The following RPTOR variants were observed in gnomAD, a reference collection of about 807,000 sequenced individuals.
The protein encoded by RPTOR is regulatory associated protein of MTOR complex 1, also known as regulatory-associated protein of mTOR.
Under a neutral mutation model 169.9 loss-of-function variants are expected in RPTOR, and 21 were observed. The observed-to-expected ratio is 0.12, with a 90% CI of 0.09 to 0.18. RPTOR has a LOEUF of 0.18. RPTOR is among the 10% of genes least tolerant of loss of function. The probability of loss-of-function intolerance (pLI) is 1.00; values close to 1 mark genes in which losing one functional copy is unlikely to be tolerated. For synonymous variants in RPTOR, 732 were observed against 753.2 expected, an observed-to-expected ratio of 0.97 and a Z score of 0.46; for missense variants, 1,133 against 1,855.9, an observed-to-expected ratio of 0.61 and a Z score of 7.16.
rs532330360 is a variant in RPTOR at position 80,964,403 on chromosome 17, G to T, written c.*73G>T. On this transcript the variant is annotated 3_prime_UTR_variant, in exon 34 of 34. Coordinates refer to ENST00000306801, the MANE Select transcript of RPTOR (RefSeq NM_020761.3). ...GAAGCTGTCACTCGCCGGGGCACGG[G>T]GCGTCGGCTGCTGCGGCCCCGCAGT... 5.4e-6 allele frequency: 8 copies of T among 1,487,880 alleles called. No individual in the cohort carries two copies. The African/African-American group carries it at 1.1e-4, about 20-fold the overall frequency. The allele number at this position is 1,487,880 out of a possible 1,614,324, so 92.2% of individuals were successfully genotyped here. A position where few individuals can be genotyped will look rare whatever the true frequency, so the allele number is the denominator to read the frequency against.
At chr17:80,756,402 A>T (rs2066681325) in intron 6 of RPTOR, among the ~76,000 whole-genome samples, 1 of 152,254 alleles carries the variant, frequency 6.6e-6, no homozygotes, top group Admixed American at 6.5e-5. Context: ...AAGTAGGAGG[A>T]ATAAGTTATA....
intron 13 of RPTOR, among the ~76,000 whole-genome samples, chr17:80,877,675 T>C (rs995275395): frequency 2.0e-5 from 3 of 152,244 alleles, no homozygotes; most frequent in Admixed American, 1.3e-4. Flanking sequence ...CTTTTTCTGT[T>C]GCCCTGGCCC....
rs78885207 is a variant in RPTOR at position 80,725,482 on chromosome 17, C to T, written c.508-5078C>T. On this transcript the variant is annotated intron_variant, in intron 4 of 33. Transcript: ENST00000306801. ...AGAAATGAAAACCATTGGCCACAAG[C>T]TCTTGAGTGTTCCAAGCAGCCTTCC... Among the ~76,000 whole-genome samples the T allele has an allele frequency of 3.9e-3, 589 of 152,300 alleles. 6 individuals carry two copies. The highest frequency in any genetic ancestry group is 0.014 in the African/African-American group (571 of 41,558).
chr17:80,713,784 C>T (rs113864419), intron 4 of RPTOR, among the ~76,000 whole-genome samples: 6 of 152,066 alleles, frequency 3.9e-5, no homozygotes, highest in East Asian at 1.9e-4. Flanking sequence ...AGTGTGCGTG[C>T]GCTTAATATC....
At position 80,959,594 on chromosome 17, in the gene RPTOR, C is replaced by T. The variant is rs1326313429; in HGVS notation, c.3478-484C>T. Among the ~76,000 whole-genome samples, 6 of 152,226 alleles carry T rather than the reference C, an allele frequency of 3.9e-5. No homozygotes were observed. Among genetic ancestry groups the T allele is most frequent in the South Asian group, 2.1e-4 (1 of 4,828 alleles). ...CCGCTTCTCCAGCACTTAGAGCCCC[C>T]GAGGGAGCCAGATGACCCCTCCTGG... On this transcript the variant is annotated intron_variant, in intron 29 of 33. Transcript: ENST00000306801. The surrounding 1 kb of genome is among the most constrained non-coding windows in gnomAD (Gnocchi z 6.7).
rs1320765410 is a variant in RPTOR at position 80,844,200 on chromosome 17, G to A, written c.1213-2273G>A. Reference sequence around the variant, plus strand: ...AAGTGTTGGCCACTCTTCCGCAGGCGCTTGCTCTAATTCGTCAGCCTCCCC... The same window carrying A: ...AAGTGTTGGCCACTCTTCCGCAGGCACTTGCTCTAATTCGTCAGCCTCCCC... On this transcript the variant is annotated intron_variant, in intron 10 of 33. Transcript: ENST00000306801. The surrounding 1 kb of genome is among the most constrained non-coding windows in gnomAD (Gnocchi z 4.7). Among the ~76,000 whole-genome samples the A allele has an allele frequency of 3.9e-5, 6 of 152,200 alleles. No individual in the cohort carries two copies. Among genetic ancestry groups the A allele is most frequent in the African/African-American group, 7.2e-5 (3 of 41,450 alleles).
intron 1 of RPTOR, among the ~76,000 whole-genome samples, chr17:80,589,754 T>C (rs1167193030): frequency 1.3e-5 from 2 of 152,264 alleles, no homozygotes; most frequent in East Asian, 3.8e-4. Context: ...TTTGTTTTTT[T>C]TCAATCGACT....
chr17:80,800,569 G>T (rs760793549), intron 7 of RPTOR, among the ~76,000 whole-genome samples: 1 of 152,058 alleles, frequency 6.6e-6, no homozygotes, highest in Non-Finnish European at 1.5e-5. Context: ...AACCTTCCTC[G>T]AGCGACCCCC....
chr17:80,870,405 C>T (rs992981440), intron 13 of RPTOR, among the ~76,000 whole-genome samples: 2 of 152,208 alleles, frequency 1.3e-5, no homozygotes, highest in African/African-American at 4.8e-5. Context: ...TACCCGTGCT[C>T]AAATTCTCTA....
intron 3 of RPTOR, among the ~76,000 whole-genome samples, chr17:80,666,356 T>C (rs1567847172): frequency 6.6e-6 from 1 of 152,142 alleles, no homozygotes; most frequent in Non-Finnish European, 1.5e-5. Flanking sequence ...ACACAGAAGA[T>C]GGAGACTAGA....
At chr17:80,595,209 T>C (rs575768397) in intron 1 of RPTOR, among the ~76,000 whole-genome samples, 1 of 152,356 alleles carries the variant, frequency 6.6e-6, no homozygotes, top group East Asian at 1.9e-4. Context: ...GGGTTTCTAC[T>C]GCAGTGTAAC....
intron 3 of RPTOR, among the ~76,000 whole-genome samples, chr17:80,676,041 G>A (rs1275885686): frequency 3.9e-5 from 6 of 152,194 alleles, no homozygotes; most frequent in Admixed American, 1.3e-4. Context: ...GTAGCTGAGT[G>A]TCTAGTATCA....
At chr17:80,661,497 A>T (rs904555165) in intron 3 of RPTOR, among the ~76,000 whole-genome samples, 5 of 152,094 alleles carry the variant, frequency 3.3e-5, no homozygotes, top group African/African-American at 4.8e-5. Context: ...TGAGCCGTTG[A>T]TGGGGGTGAT....
intron 24 of RPTOR, among the ~76,000 whole-genome samples, chr17:80,925,776 A>G (rs866078798): frequency 6.6e-6 from 1 of 152,234 alleles, no homozygotes; most frequent in Non-Finnish European, 1.5e-5. Context: ...GGATCACTCG[A>G]GGCCCATCCC....
chr17:80,583,675 T>C (rs2143376533), intron 1 of RPTOR, among the ~76,000 whole-genome samples: 1 of 152,140 alleles, frequency 6.6e-6, no homozygotes, highest in East Asian at 1.9e-4. Context: ...CCCAACCCGG[T>C]AGTGAAGGGG....
At chr17:80,728,767 T>A (rs1195400172) in intron 4 of RPTOR, among the ~76,000 whole-genome samples, 2 of 152,014 alleles carry the variant, frequency 1.3e-5, no homozygotes, top group Admixed American at 1.3e-4. Flanking sequence ...TATATAATCA[T>A]CTTGTTAAAT....
chr17:80,951,215 AC>A (rs761820100), intron 28 of RPTOR, among the ~76,000 whole-genome samples: 5 of 143,818 alleles, frequency 3.5e-5, no homozygotes, highest in Admixed American at 2.0e-4. Context: ...GGTCCCTGAC[AC>A]CCCCAGAAGC....
In RPTOR at chr17:80,965,227, G is replaced by A. The variant is rs925827720; in HGVS notation, c.*897G>A. The A allele has an allele frequency of 4.3e-5, 10 of 233,268 alleles. No individual in the cohort carries two copies. The highest frequency in any genetic ancestry group is 1.3e-4 in the African/African-American group (6 of 45,368). 14.4% of individuals were successfully genotyped at this position (233,268 alleles called of 1,614,324 possible). Reference sequence around the variant, plus strand: ...GTGCCCTCACACAGGTGTAGCACACGCATGTGCAGATGGCACCACGGCCGG... The same window carrying A: ...GTGCCCTCACACAGGTGTAGCACACACATGTGCAGATGGCACCACGGCCGG... On this transcript the variant is annotated 3_prime_UTR_variant, in exon 34 of 34. Transcript: ENST00000306801.
chr17:80,634,655 CGTACTGTGT>C (rs1567831348), intron 2 of RPTOR, among the ~76,000 whole-genome samples: 19 of 75,330 alleles, frequency 2.5e-4, no homozygotes, highest in East Asian at 4.4e-4. Context: ...ACTGTATGTG[CGTACTGTGT>C]GTGTGCGTAC....
Sources: gnomAD v4.1 joint callset for allele counts (sites outside exome capture counted in the v4.1 genomes callset) on GRCh38, gnomAD v4.1.1 for gene constraint, Gnocchi (gnomAD v3.1) non-coding constraint, MANE v1.5 for transcripts, NCBI Gene and HGNC (gene_info 2026-07-23, HGNC 2026-07-21) for gene names.